Variants in TSEN15 observed in about 807,000 individuals in gnomAD.
TSEN15 encodes tRNA-splicing endonuclease subunit Sen15.
TSEN15 carries 10 observed loss-of-function variants against 20.5 expected under a neutral mutation model. The ratio of observed to expected loss-of-function variants is 0.49; its 90% CI spans 0.30 to 0.83. The LOEUF (loss-of-function observed/expected upper bound fraction) is 0.83. TSEN15 is among the 40% of genes least tolerant of loss of function. TSEN15 has a pLI of 0.06. For missense variants in TSEN15, 180 were observed against 218.6 expected (o/e 0.82, Z 1.11); for synonymous variants, 72 against 80.1 (o/e 0.90, Z 0.54).
chr1:184,053,426 A>G (rs1204391200), intron 1 of TSEN15, among the ~76,000 whole-genome samples: 2 of 152,194 alleles, frequency 1.3e-5, no homozygotes, highest in African/African-American at 4.8e-5. Flanking sequence ...TGACCACCAA[A>G]GCCTTGTAAC....
At position 184,051,735 on chromosome 1, in the gene TSEN15, G is replaced by A. The variant is rs1251358937; in HGVS notation, c.-21G>A. 3 of 1,395,106 alleles carry A rather than the reference G, an allele frequency of 2.2e-6. No individual in the cohort carries two copies. The highest frequency in any genetic ancestry group is 2.5e-4 in the Middle Eastern group (1 of 4,066). The allele number at this position is 1,395,106 out of a possible 1,614,324, so 86.4% of individuals were successfully genotyped here. A position where few individuals can be genotyped will look rare whatever the true frequency, so the allele number is the denominator to read the frequency against. ...CCGGGCGCGGGTCGTGGTGCACCAC[G>A]GGAGCGCCGCACCGGCCGGCATGGA... On this transcript the variant is annotated 5_prime_UTR_variant, in exon 1 of 5. Transcript: ENST00000645668.
At chr1:184,094,816 T>A in intron 3 of TSEN15, 1 of 386,826 alleles carries the variant, frequency 2.6e-6, no homozygotes, top group East Asian at 3.7e-5. Flanking sequence ...ACCAATAAAA[T>A]GTCTGGACAG....
chr1:184,084,458 T>G (rs973229573), intron 3 of TSEN15, among the ~76,000 whole-genome samples: 2 of 151,720 alleles, frequency 1.3e-5, no homozygotes, highest in African/African-American at 4.8e-5. Flanking sequence ...TATCCATAAA[T>G]CCTTTTGATT....
At chr1:184,090,171 A>T (rs1651333094) in intron 3 of TSEN15, among the ~76,000 whole-genome samples, 1 of 152,242 alleles carries the variant, frequency 6.6e-6, no homozygotes, top group African/African-American at 2.4e-5. Context: ...ATACACCACA[A>T]CATGGGTGAC....
In TSEN15 at chr1:184,051,837, G is replaced by C. The variant is rs982044140; in HGVS notation, c.82G>C (p.Gly28Arg). The part of the protein sequence containing the change: ...PGGVRGFGDG[G>R]GAPSWAPEDA... ...CGGTGTTCGCGGCTTTGGCGACGGC[G>C]GTGGAGCTCCTTCGTGGGCCCCTGA... The change falls in exon 1 of 5, where the codon GGT becomes CGT. Residue 28 changes from glycine to arginine, a missense_variant. This residue lies in a region of TSEN15 where 76 missense variants were observed against 66.5 expected (regional missense o/e 1.14). Transcript: ENST00000645668. 6.5e-7 allele frequency: 1 copy of C among 1,549,292 alleles called. No homozygotes were observed. The highest frequency in any genetic ancestry group is 8.7e-7 in the Non-Finnish European group (1 of 1,147,294).
chr1:184,067,478 A>G (rs942339946), intron 3 of TSEN15, among the ~76,000 whole-genome samples: 1 of 152,188 alleles, frequency 6.6e-6, no homozygotes, highest in Admixed American at 6.5e-5. Context: ...TACCTGGTAC[A>G]TGGTGCTAAG....
downstream of TSEN15, among the ~76,000 whole-genome samples, chr1:184,077,148 G>T (rs1651075924): frequency 6.6e-6 from 1 of 151,952 alleles, no homozygotes; most frequent in African/African-American, 2.4e-5. Context: ...TTCAAAGGAT[G>T]GGCTAATTCT....
At chr1:184,078,353 C>A (rs973509026), downstream of TSEN15, among the ~76,000 whole-genome samples, 41 of 151,958 alleles carry the variant, frequency 2.7e-4, no homozygotes, top group Admixed American at 2.0e-3. Flanking sequence ...ACTAGGAAAC[C>A]AAAAAAATTG....
intron 3 of TSEN15, among the ~76,000 whole-genome samples, chr1:184,056,124 G>A (rs1650243300): frequency 6.6e-6 from 1 of 152,102 alleles, no homozygotes; most frequent in African/African-American, 2.4e-5. Flanking sequence ...CCTCGATGAT[G>A]GAGTGTTGCT....
intron 3 of TSEN15, chr1:184,094,585 G>A (rs558628518): frequency 6.5e-6 from 1 of 153,788 alleles, no homozygotes; most frequent in South Asian, 2.1e-4. Context: ...TCTCCTAAGG[G>A]ATGTGAGCAG....
At chr1:184,079,800 C>T (rs1308180692) in intron 3 of TSEN15, among the ~76,000 whole-genome samples, 2 of 152,108 alleles carry the variant, frequency 1.3e-5, no homozygotes, top group African/African-American at 2.4e-5. Flanking sequence ...AAACTGGGCT[C>T]CTTCTCTGTG....
Position 184,067,862 on chromosome 1 carries a change from G to T in TSEN15, c.354-4295G>T, listed in dbSNP as rs188186688. On this transcript the variant is annotated intron_variant, in intron 3 of 4. Coordinates refer to ENST00000645668, the MANE Select transcript of TSEN15 (RefSeq NM_052965.4). ...TGCTTGAACCCAGGAGGTGGAGGTT[G>T]CAGTGAGCCAAGGTCACACCACTGT... 3.0e-3 allele frequency among the ~76,000 whole-genome samples: 437 copies of T among 145,222 alleles called. 2 individuals carry two copies. Among genetic ancestry groups the T allele is most frequent in the African/African-American group, 7.3e-3 (285 of 39,066 alleles).
chr1:184,060,630 T>A (rs1650418147), intron 3 of TSEN15, among the ~76,000 whole-genome samples: 2 of 152,254 alleles, frequency 1.3e-5, no homozygotes. Context: ...TAGACTTTCA[T>A]TAAATCAGCA....
chr1:184,058,509 C>T (rs1650329485), intron 3 of TSEN15, among the ~76,000 whole-genome samples: 1 of 151,906 alleles, frequency 6.6e-6, no homozygotes, highest in South Asian at 2.1e-4. Context: ...TTTAACAGGG[C>T]AGTCTTTTAG....
chr1:184,064,041 A>G (rs556568509), intron 3 of TSEN15, among the ~76,000 whole-genome samples: 73 of 152,214 alleles, frequency 4.8e-4, no homozygotes, highest in Non-Finnish European at 5.3e-4. Flanking sequence ...TTATTTATTT[A>G]TTGGCTGCCT....
chr1:184,094,801 A>G, intron 3 of TSEN15: 1 of 381,334 alleles, frequency 2.6e-6, no homozygotes, highest in Non-Finnish European at 4.6e-6. Flanking sequence ...CAGTCTCCAG[A>G]GACTACCAAT....
intron 3 of TSEN15, among the ~76,000 whole-genome samples, chr1:184,062,739 G>T (rs1023153471): frequency 1.3e-5 from 2 of 151,176 alleles, no homozygotes; most frequent in Non-Finnish European, 1.5e-5. Context: ...TACTGGTAGG[G>T]TTTTTTTTGT....
chr1:184,073,165 T>C lies in TSEN15; in HGVS notation c.*318T>C, dbSNP rs1181586358. On this transcript the variant is annotated 3_prime_UTR_variant, in exon 5 of 5. Transcript: ENST00000645668. ...TTTTGTCATCCCACACTCAAAGTTGTCTCTTTGTTTCTTGCTGCCACTGCC... is the reference window on the plus strand; with the variant it reads ...TTTTGTCATCCCACACTCAAAGTTGCCTCTTTGTTTCTTGCTGCCACTGCC... 4.0e-6 allele frequency: 1 copy of C among 251,584 alleles called. No homozygotes were observed. Among genetic ancestry groups the C allele is most frequent in the Non-Finnish European group, 7.5e-6 (1 of 133,716 alleles). The allele number at this position is 251,584 out of a possible 1,614,324, so 15.6% of individuals were successfully genotyped here.
At chr1:184,085,733 C>A (rs549987917) in intron 3 of TSEN15, among the ~76,000 whole-genome samples, 1 of 152,252 alleles carries the variant, frequency 6.6e-6, no homozygotes, top group African/African-American at 2.4e-5. Context: ...GCATTTCTAA[C>A]AAGTTGTCTG....
Sources: gnomAD v4.1 joint callset for allele counts (sites outside exome capture counted in the v4.1 genomes callset) on GRCh38, gnomAD v4.1.1 for gene constraint, gnomAD v4.1.1 regional missense constraint, MANE v1.5 for transcripts, NCBI Gene and HGNC (gene_info 2026-07-23, HGNC 2026-07-21) for gene names.